Variants in RYR2 observed in about 807,000 individuals in gnomAD.
RYR2 encodes the protein ryanodine receptor 2, also known as cardiac muscle ryanodine receptor-calcium release channel.
Under a neutral mutation model 601.1 loss-of-function variants are expected in RYR2, and 227 were observed. That is an observed-to-expected ratio of 0.38 (90% confidence interval 0.34 to 0.42). The LOEUF (loss-of-function observed/expected upper bound fraction) is 0.42. Among genes scored for constraint, RYR2 ranks in the 10% least tolerant of loss-of-function variants. The pLI, the probability that RYR2 is intolerant of heterozygous loss-of-function variation, is 1.00. For missense variants in RYR2, 4,646 were observed against 6,156.5 expected (o/e 0.75, Z 8.21); for synonymous variants, 2,223 against 2,175.1 (o/e 1.02, Z -0.61).
intron 1 of RYR2, among the ~76,000 whole-genome samples, chr1:237,263,731 G>T (rs986619788): frequency 2.6e-5 from 4 of 152,140 alleles, no homozygotes; most frequent in Admixed American, 6.5e-5. Context: ...TGGATTAGAG[G>T]TCATCTATGT....
At chr1:237,109,226 T>C (rs1669137576) in intron 1 of RYR2, among the ~76,000 whole-genome samples, 1 of 151,620 alleles carries the variant, frequency 6.6e-6, no homozygotes, top group African/African-American at 2.4e-5. Flanking sequence ...ATATGTATTT[T>C]ATTTTGAAAT....
At chr1:237,371,886 G>C (rs141788633) in intron 6 of RYR2, among the ~76,000 whole-genome samples, 1 of 152,120 alleles carries the variant, frequency 6.6e-6, no homozygotes, top group African/African-American at 2.4e-5. Flanking sequence ...ATCACACACC[G>C]GGGCCTGTCG....
At chr1:237,696,382 T>G (rs1687437705) in intron 63 of RYR2, among the ~76,000 whole-genome samples, 1 of 152,134 alleles carries the variant, frequency 6.6e-6, no homozygotes, top group Non-Finnish European at 1.5e-5. Context: ...CTTTCTTATC[T>G]TCTCTGCCTC....
At chr1:237,536,938 A>G (rs1011581742) in intron 25 of RYR2, among the ~76,000 whole-genome samples, 8 of 152,126 alleles carry the variant, frequency 5.3e-5, no homozygotes, top group Admixed American at 3.3e-4. Context: ...ATTAATAAAA[A>G]GATGCCCAAA....
chr1:237,387,298 C>A lies in RYR2; in HGVS notation c.594C>A (p.Asn198Lys). 2 of 1,614,000 alleles carry A rather than the reference C, an allele frequency of 1.2e-6. No homozygotes were observed. Among genetic ancestry groups the A allele is most frequent in the Non-Finnish European group, 1.7e-6 (2 of 1,179,882 alleles). ...SERYLHLSYG[N>K]GSLHVDAAFQ... is the part of the protein sequence containing the mutation. ...TGATACAGCACTTGTCTTATGGCAA[C>A]GGCAGCTTACACGTGGATGCCGCTT... The change falls in exon 9 of 105, where the codon AAC becomes AAA. Residue 198 changes from asparagine (N) to lysine (K), a missense_variant. Coordinates refer to ENST00000366574, the MANE Select transcript of RYR2 (RefSeq NM_001035.3).
At chr1:237,778,607 A>G (rs1348648865) in intron 87 of RYR2, 59 bp from the exon 88 acceptor site, 4 of 855,126 alleles carry the variant, frequency 4.7e-6, no homozygotes, top group Non-Finnish European at 7.8e-6. Context: ...GTTATTGTAC[A>G]GTTTGTTTTG....
At chr1:237,565,270 G>A (rs1671947072) in intron 27 of RYR2, among the ~76,000 whole-genome samples, 1 of 117,286 alleles carries the variant, frequency 8.5e-6, no homozygotes, top group Non-Finnish European at 1.9e-5. Context: ...CTCTTTGTTT[G>A]TTTGTTTTGT....
chr1:237,380,777 C>T (rs1416915084), intron 8 of RYR2, among the ~76,000 whole-genome samples: 8 of 151,500 alleles, frequency 5.3e-5, no homozygotes, highest in Admixed American at 5.3e-4. Context: ...CCTGTCTCTA[C>T]TAAAAAATAC....
rs1316522172 is a variant in RYR2, at chr1:237,703,939, A to G, written c.9450-1274A>G. On this transcript the variant is annotated intron_variant, in intron 66 of 104. Coordinates refer to ENST00000366574, the MANE Select transcript of RYR2 (RefSeq NM_001035.3). ...ATACTTCTCTACTCTCATAGGTTTT[A>G]TATCTGGTAGAGGAAACCAAACCAA... Among the ~76,000 whole-genome samples the G allele has an allele frequency of 2.0e-5, 3 of 152,232 alleles. No homozygotes were observed. In the East Asian group the frequency reaches 5.8e-4, roughly 29 times the overall value.
At chr1:237,663,994 C>G (rs1684052617) in intron 56 of RYR2, among the ~76,000 whole-genome samples, 1 of 152,274 alleles carries the variant, frequency 6.6e-6, no homozygotes, top group Non-Finnish European at 1.5e-5. Context: ...TGACCCCCTC[C>G]TTGGTAGGGA....
At chr1:237,539,380 G>C (rs1403206598) in intron 25 of RYR2, among the ~76,000 whole-genome samples, 2 of 152,176 alleles carry the variant, frequency 1.3e-5, no homozygotes, top group African/African-American at 4.8e-5. Flanking sequence ...GTCTATGAAA[G>C]AGCAGTATCA....
At chr1:237,582,206 G>A (rs905441810) in intron 29 of RYR2, among the ~76,000 whole-genome samples, 6 of 151,970 alleles carry the variant, frequency 3.9e-5, no homozygotes, top group African/African-American at 1.5e-4. Flanking sequence ...GGGTTCAAGC[G>A]ATTCTCCTGC....
intron 84 of RYR2, among the ~76,000 whole-genome samples, chr1:237,767,441 G>A (rs1183195726): frequency 6.6e-6 from 1 of 152,148 alleles, no homozygotes; most frequent in Non-Finnish European, 1.5e-5. Flanking sequence ...GCCTGCCATA[G>A]AAGAGTGAAT....
intron 24 of RYR2, among the ~76,000 whole-genome samples, chr1:237,520,534 A>G (rs1666986766): frequency 6.6e-6 from 1 of 152,114 alleles, no homozygotes; most frequent in Non-Finnish European, 1.5e-5. Flanking sequence ...ATTTTATCAA[A>G]TGCTTTTTCT....
chr1:237,278,406 G>A (rs924123957), intron 2 of RYR2, among the ~76,000 whole-genome samples: 1 of 151,666 alleles, frequency 6.6e-6, no homozygotes, highest in African/African-American at 2.4e-5. Flanking sequence ...TTTTTTTAAA[G>A]CTCAAATTGG....
rs905518210 is a variant in RYR2 at position 237,446,398 on chromosome 1, T to C, written c.1292+876T>C. 2.0e-5 allele frequency among the ~76,000 whole-genome samples: 3 copies of C among 152,180 alleles called. No individual in the cohort carries two copies. The East Asian group carries it at 5.8e-4, about 29-fold the overall frequency. ...TTTTTTCTTTTGTGTTTAATCCTAT[T>C]ATTTGTTAATATTTCTGTTAAGTTG... On this transcript the variant is annotated intron_variant, in intron 14 of 104. Transcript: ENST00000366574.
intron 25 of RYR2, among the ~76,000 whole-genome samples, chr1:237,544,733 C>T (rs1669625120): frequency 6.6e-6 from 1 of 152,122 alleles, no homozygotes; most frequent in Non-Finnish European, 1.5e-5. Flanking sequence ...TTAAATATAT[C>T]TCATTTTGAT....
chr1:237,304,970 TATTA>T (rs1326919557), intron 2 of RYR2, among the ~76,000 whole-genome samples: 2 of 152,204 alleles, frequency 1.3e-5, no homozygotes, highest in Non-Finnish European at 2.9e-5. Context: ...TCAGCCTCAT[TATTA>T]ATTGTAGAAA....
At chr1:237,826,932 C>G (rs959138692) in intron 101 of RYR2, among the ~76,000 whole-genome samples, 1 of 152,176 alleles carries the variant, frequency 6.6e-6, no homozygotes, top group Admixed American at 6.5e-5. Flanking sequence ...CCTTCAACCA[C>G]GGTGCTGTAT....
Sources: allele counts gnomAD v4.1 joint callset (sites outside exome capture counted in the v4.1 genomes callset), GRCh38; gene constraint gnomAD v4.1.1; transcripts MANE v1.5; gene names NCBI Gene and HGNC (gene_info 2026-07-23, HGNC 2026-07-21).